Variants in NRDC observed in about 807,000 individuals in gnomAD.
The protein encoded by NRDC is nardilysin convertase, also known as nardilysin.
A neutral mutation model predicts 147.1 loss-of-function variants in NRDC; 54 were observed. That is an observed-to-expected ratio of 0.37 (90% confidence interval 0.29 to 0.46). The LOEUF is 0.46. Ranked by LOEUF, NRDC falls within the 20% of genes least tolerant of loss-of-function variation. NRDC has a pLI of 1.00. For missense variants in NRDC, 1,082 were observed against 1,370.6 expected (o/e 0.79, Z 3.33); for synonymous variants, 440 against 482.1 (o/e 0.91, Z 1.14).
At chr1:51,820,909 C>T (rs943101038) in intron 8 of NRDC, among the ~76,000 whole-genome samples, 1 of 152,054 alleles carries the variant, frequency 6.6e-6, no homozygotes, top group African/African-American at 2.4e-5. Flanking sequence ...AGTAATGTAT[C>T]TTTTAAATAT....
chr1:51,814,091 T>C lies in NRDC; in HGVS notation c.1620-2A>G. On this transcript the variant is annotated splice_acceptor_variant, in intron 13 of 30. Transcript: ENST00000352171. LOFTEE classifies it high-confidence loss of function. ...ATTTTCCGAATCTCTTCAAAAATTC[T>C]GTGAAGGAGAAAACTATAATTAGAA... is the stretch of plus-strand genomic sequence containing the variant. 1 of 1,579,348 alleles carries C rather than the reference T, an allele frequency of 6.3e-7. No individual in the cohort carries two copies. Among genetic ancestry groups the C allele is most frequent in the Non-Finnish European group, 8.7e-7 (1 of 1,148,712 alleles).
At chr1:51,831,576 ATCTT>A (rs969189054) in intron 4 of NRDC, among the ~76,000 whole-genome samples, 3 of 150,876 alleles carry the variant, frequency 2.0e-5, no homozygotes, top group East Asian at 1.9e-4. Context: ...TCATTGATTT[ATCTT>A]TCTTTTTTTT....
chr1:51,821,473 TGATG>T (rs747175511), intron 8 of NRDC, 21 bp downstream of exon 8: 1 of 1,503,148 alleles, frequency 6.7e-7, no homozygotes, highest in Middle Eastern at 1.7e-4. Context: ...TGAAGGTGTA[TGATG>T]TATGAAAATA....
At chr1:51,813,649 A>C (rs1321115798) in intron 14 of NRDC, among the ~76,000 whole-genome samples, 1 of 152,234 alleles carries the variant, frequency 6.6e-6, no homozygotes, top group Non-Finnish European at 1.5e-5. Flanking sequence ...ATTCCAAAGC[A>C]CAATGTTTCT....
chr1:51,845,580 G>T (rs753190251), intron 1 of NRDC, among the ~76,000 whole-genome samples: 1 of 152,028 alleles, frequency 6.6e-6, no homozygotes, highest in Non-Finnish European at 1.5e-5. Flanking sequence ...GCGACAGAGC[G>T]AGACTCCGTC....
At chr1:51,813,354 T>G (rs1679816735) in intron 14 of NRDC, among the ~76,000 whole-genome samples, 1 of 152,148 alleles carries the variant, frequency 6.6e-6, no homozygotes, top group Non-Finnish European at 1.5e-5. Flanking sequence ...AGTCCCATGT[T>G]TTACAATGAG....
chr1:51,870,469 T>C (rs1244400883), intron 1 of NRDC, among the ~76,000 whole-genome samples: 1 of 152,236 alleles, frequency 6.6e-6, no homozygotes, highest in Non-Finnish European at 1.5e-5. Flanking sequence ...TTACCACGTA[T>C]ACACTTCACC....
At chr1:51,827,663 C>T in intron 5 of NRDC, 133 bp downstream of exon 5, 1 of 655,460 alleles carries the variant, frequency 1.5e-6, no homozygotes, top group Non-Finnish European at 2.7e-6. Context: ...CAGGAACAAA[C>T]ATAACACATA....
At chr1:51,792,451 C>A (rs780471527) in intron 24 of NRDC, 27 bp from the exon 25 acceptor site, 1 of 1,611,814 alleles carries the variant, frequency 6.2e-7, no homozygotes. Flanking sequence ...GTCAGGCCAA[C>A]TGAATATCCA....
chr1:51,857,428 G>T (rs1414961645), intron 1 of NRDC, among the ~76,000 whole-genome samples: 3 of 152,256 alleles, frequency 2.0e-5, no homozygotes, highest in South Asian at 2.1e-4. Flanking sequence ...TACCCAATTT[G>T]TGAATCATTC....
At chr1:51,826,373 A>AC (rs374087672) in intron 5 of NRDC, among the ~76,000 whole-genome samples, 160 of 152,274 alleles carry the variant, frequency 1.1e-3, no homozygotes, top group African/African-American at 3.8e-3. Flanking sequence ...GTGATTTAAG[A>AC]CCCCTTGCAA....
Position 51,819,843 on chromosome 1 carries a change from T to A in NRDC, c.1248A>T (p.Leu416Phe). Residue 416 changes from leucine (L) to phenylalanine (F), a missense_variant, in exon 9 of 31, where the codon TTA becomes TTT. By Grantham distance (22) the Leu-to-Phe change is conservative. This residue lies in a region of NRDC where 635 missense variants were observed against 923.8 expected (regional missense o/e 0.69). Transcript: ENST00000352171. ...ATGCTGGTGTGTCAAATGGATCCGT[T>A]AAATGGCCAAAGTTTGGTCTGGGTA... ...NGLPRPNFGH[L>F]TDPFDTPAFN... The A allele has an allele frequency of 6.2e-7, 1 of 1,608,292 alleles. No individual in the cohort carries two copies. The highest frequency in any genetic ancestry group is 8.5e-7 in the Non-Finnish European group (1 of 1,177,122).
chr1:51,802,700 T>C (rs868210292), intron 20 of NRDC, among the ~76,000 whole-genome samples: 127 of 152,280 alleles, frequency 8.3e-4, no homozygotes, highest in African/African-American at 2.7e-3. Context: ...CATGGGGAGA[T>C]GGAGAAGGGA....
Position 51,789,639 on chromosome 1 carries a change from A to G in NRDC, c.3187T>C (p.Phe1063Leu), listed in dbSNP as rs1411029368. The stretch of plus-strand genomic sequence containing the variant: ...CAGTTGACCAGGTCTGATTTTGAGA[A>G]TGACTTCAGTGCTTCAATCTTACAA... ...LAHEIEALKS[F>L]SKSDLVNWFK... The change falls in exon 30 of 31, where the codon TTC becomes CTC. Residue 1063 changes from phenylalanine (F) to leucine (L), a missense_variant. Phe to Leu is a conservative substitution (Grantham distance 22). Coordinates refer to ENST00000352171, the MANE Select transcript of NRDC (RefSeq NM_001101662.2). 1 of 1,613,258 alleles carries G rather than the reference A, an allele frequency of 6.2e-7. No homozygotes were observed. The highest frequency in any genetic ancestry group is 1.1e-5 in the South Asian group (1 of 91,058).
chr1:51,857,552 CT>C (rs569579378), intron 1 of NRDC, among the ~76,000 whole-genome samples: 183 of 152,330 alleles, frequency 1.2e-3, no homozygotes, highest in African/African-American at 4.3e-3. Context: ...ATGTCCATTG[CT>C]TTCTGGAAGC....
In NRDC at chr1:51,865,918, G is replaced by A. The variant is rs528404319; in HGVS notation, c.341+12357C>T. ...TACAAAAAAAAAAAAAATTAGCTGG[G>A]CATGGTGGCAGGCACCTGTAGTTTC... is the stretch of plus-strand genomic sequence containing the variant. On this transcript the variant is annotated intron_variant, in intron 1 of 30. Transcript: ENST00000352171. Among the ~76,000 whole-genome samples the A allele has an allele frequency of 2.0e-5, 3 of 151,980 alleles. No homozygotes were observed. In the South Asian group the frequency reaches 6.2e-4, roughly 32 times the overall value.
intron 1 of NRDC, among the ~76,000 whole-genome samples, chr1:51,843,197 C>T (rs1391481737): frequency 2.6e-5 from 4 of 151,806 alleles, no homozygotes; most frequent in African/African-American, 9.7e-5. Flanking sequence ...AAATATGCCT[C>T]CTTGGCATAA....
intron 13 of NRDC, 184 bp downstream of exon 13, chr1:51,814,367 A>G: frequency 1.7e-6 from 1 of 601,638 alleles, no homozygotes; most frequent in Middle Eastern, 4.4e-4. Context: ...GACTGCCCAC[A>G]TATGTGTAAA....
Position 51,798,371 on chromosome 1 carries a change from T to C in NRDC, c.2482A>G (p.Met828Val), listed in dbSNP as rs757824467. 1 of 1,614,044 alleles carries C rather than the reference T, an allele frequency of 6.2e-7. No homozygotes were observed. The highest frequency in any genetic ancestry group is 8.5e-7 in the Non-Finnish European group (1 of 1,179,966). The change falls in exon 22 of 31, where the codon ATG (methionine) becomes GTG (valine). Residue 828 changes from methionine (M) to valine (V), a missense_variant. Physicochemically the swap from Met to Val is conservative, Grantham distance 21. This residue lies in a region of NRDC where 635 missense variants were observed against 923.8 expected (regional missense o/e 0.69). Coordinates refer to ENST00000352171, the MANE Select transcript of NRDC (RefSeq NM_001101662.2). Reference protein sequence around the residue: ...LLILEYARWSMIDKYQALMDG... With the variant: ...LLILEYARWSVIDKYQALMDG... ...ATCAAAGCCTGGTACTTGTCAATCATAGACCAACGGGCATATTCCAAGATT... is the reference window on the plus strand; with the variant it reads ...ATCAAAGCCTGGTACTTGTCAATCACAGACCAACGGGCATATTCCAAGATT...
Sources: gnomAD v4.1 joint callset for allele counts (sites outside exome capture counted in the v4.1 genomes callset) on GRCh38, gnomAD v4.1.1 for gene constraint, gnomAD v4.1.1 regional missense constraint, MANE v1.5 for transcripts, NCBI Gene and HGNC (gene_info 2026-07-23, HGNC 2026-07-21) for gene names.